Variants in ARHGAP28 observed in about 807,000 individuals in gnomAD.
ARHGAP28 encodes the protein rho GTPase-activating protein 28.
In ARHGAP28, 56 loss-of-function variants were observed where a neutral mutation model predicts 90.7. That is an observed-to-expected ratio of 0.62 (90% CI 0.50 to 0.77). The LOEUF (loss-of-function observed/expected upper bound fraction) is 0.77, where lower values mean the gene tolerates loss of function less well. Ranked by LOEUF, ARHGAP28 falls within the 30% of genes least tolerant of loss-of-function variation. The pLI, the probability that ARHGAP28 is intolerant of heterozygous loss-of-function variation, is 0.00. For synonymous variants in ARHGAP28, 308 were observed against 323.3 expected (o/e 0.95, Z 0.51); for missense variants, 869 against 900.9 (o/e 0.96, Z 0.45).
intron 3 of ARHGAP28, among the ~76,000 whole-genome samples, chr18:6,848,009 C>A (rs2056880053): frequency 6.6e-6 from 1 of 152,024 alleles, no homozygotes; most frequent in Non-Finnish European, 1.5e-5. Flanking sequence ...GCCAAGGAGC[C>A]CCAGGTTTTT....
At chr18:6,835,013 A>G (rs1337250885) in intron 2 of ARHGAP28, among the ~76,000 whole-genome samples, 1 of 152,224 alleles carries the variant, frequency 6.6e-6, no homozygotes, top group African/African-American at 2.4e-5. Flanking sequence ...CTGAAATTCA[A>G]AGGAGTTCTC....
chr18:6,778,754 CT>C (rs1449852229), intron 1 of ARHGAP28, among the ~76,000 whole-genome samples: 1 of 152,142 alleles, frequency 6.6e-6, no homozygotes, highest in Non-Finnish European at 1.5e-5. Flanking sequence ...TGATTTTGCT[CT>C]TTTATTCTCT....
chr18:6,870,802 T>C (rs2057077990), intron 7 of ARHGAP28, 70 bp downstream of exon 7: 3 of 1,496,580 alleles, frequency 2.0e-6, no homozygotes, highest in African/African-American at 2.8e-5. Flanking sequence ...AAGATTTCTT[T>C]TTCTTTTTTT....
intron 1 of ARHGAP28, among the ~76,000 whole-genome samples, chr18:6,753,144 C>T (rs980420359): frequency 3.3e-5 from 5 of 151,854 alleles, no homozygotes; most frequent in Non-Finnish European, 7.4e-5. Context: ...TATTTAGGGA[C>T]CCAGTTTGAA....
intron 2 of ARHGAP28, 52 bp from the exon 3 acceptor site, chr18:6,837,145 T>A: frequency 7.5e-7 from 1 of 1,334,374 alleles, no homozygotes; most frequent in Non-Finnish European, 1.0e-6. Flanking sequence ...TCACATGGCA[T>A]CCAATCATAC....
intron 1 of ARHGAP28, among the ~76,000 whole-genome samples, chr18:6,758,246 G>A (rs1362098279): frequency 6.6e-6 from 1 of 152,058 alleles, no homozygotes. Context: ...GAGGGGCCGG[G>A]GAACTTGTTA....
chr18:6,830,064 CTG>C (rs2056703143), intron 2 of ARHGAP28, among the ~76,000 whole-genome samples: 1 of 152,104 alleles, frequency 6.6e-6, no homozygotes, highest in Admixed American at 6.6e-5. Flanking sequence ...CTATTTTTGT[CTG>C]TGTTTCTTCT....
chr18:6,817,785 A>C (rs541567110), intron 1 of ARHGAP28, among the ~76,000 whole-genome samples: 1 of 152,172 alleles, frequency 6.6e-6, no homozygotes, highest in Non-Finnish European at 1.5e-5. Context: ...CAGGAAAACA[A>C]AGGATTTCAC....
At position 6,850,852 on chromosome 18, in the gene ARHGAP28, G is replaced by C. The variant is rs1443863224; in HGVS notation, c.544-182G>C. The stretch of plus-strand genomic sequence containing the variant: ...TGTTACAGTACATGGCATTTATGAG[G>C]ATCAATGTAATTATGAATGAATTGG... On this transcript the variant is annotated intron_variant, in intron 3 of 17. Coordinates refer to ENST00000383472, the MANE Select transcript of ARHGAP28 (RefSeq NM_001366230.1). 5.2e-6 allele frequency: 8 copies of C among 1,536,530 alleles called. No homozygotes were observed. In the East Asian group the frequency reaches 1.5e-4, roughly 28 times the overall value.
intron 3 of ARHGAP28, among the ~76,000 whole-genome samples, chr18:6,839,298 T>TTTC: frequency 6.7e-6 from 1 of 150,260 alleles, no homozygotes; most frequent in Non-Finnish European, 1.5e-5. Flanking sequence ...CATAATTTTT[T>TTTC]TTTTTTTTTT....
chr18:6,780,658 G>A (rs1049694479), intron 1 of ARHGAP28, among the ~76,000 whole-genome samples: 2 of 152,156 alleles, frequency 1.3e-5, no homozygotes, highest in African/African-American at 4.8e-5. Context: ...GTAGGCCAAG[G>A]TGGGTGGATC....
intron 1 of ARHGAP28, among the ~76,000 whole-genome samples, chr18:6,781,743 T>G (rs1302688776): frequency 6.6e-6 from 1 of 152,206 alleles, no homozygotes; most frequent in Non-Finnish European, 1.5e-5. Context: ...GGCCTCTAAT[T>G]GCTCATAATG....
At chr18:6,755,773 CTA>C (rs1156533101) in intron 1 of ARHGAP28, among the ~76,000 whole-genome samples, 1 of 152,174 alleles carries the variant, frequency 6.6e-6, no homozygotes, top group African/African-American at 2.4e-5. Context: ...ATGTAGTATT[CTA>C]TGTTTTCTAA....
At chr18:6,888,137 C>T (rs1052765017) in intron 12 of ARHGAP28, among the ~76,000 whole-genome samples, 1 of 152,170 alleles carries the variant, frequency 6.6e-6, no homozygotes, top group Non-Finnish European at 1.5e-5. Flanking sequence ...AAAGTGGTTT[C>T]TCCACTGATA....
At chr18:6,784,676 G>A (rs563404057) in intron 1 of ARHGAP28, among the ~76,000 whole-genome samples, 6 of 152,322 alleles carry the variant, frequency 3.9e-5, no homozygotes, top group Non-Finnish European at 5.9e-5. Context: ...TTTCAGCGCA[G>A]TAGGAGGTAC....
intron 1 of ARHGAP28, among the ~76,000 whole-genome samples, chr18:6,805,382 T>C (rs1043743112): frequency 6.6e-6 from 1 of 152,140 alleles, no homozygotes; most frequent in Admixed American, 6.5e-5. Flanking sequence ...TTTGATTTGT[T>C]TTAGCATGGC....
chr18:6,835,263 A>G (rs1285031404), intron 2 of ARHGAP28, among the ~76,000 whole-genome samples: 2 of 152,154 alleles, frequency 1.3e-5, no homozygotes, highest in Non-Finnish European at 2.9e-5. Context: ...TAAAATTTTA[A>G]TATTAACATA....
chr18:6,867,762 A>G (rs2057048655), intron 5 of ARHGAP28, among the ~76,000 whole-genome samples: 1 of 152,250 alleles, frequency 6.6e-6, no homozygotes, highest in Non-Finnish European at 1.5e-5. Flanking sequence ...TAATTAACAA[A>G]TGATATTATA....
Position 6,733,774 on chromosome 18 carries a change from A to G in ARHGAP28, c.122+3831A>G, listed in dbSNP as rs188391358. ...TAATTCTCTCAGAGGAAGTTTTAGC[A>G]AACATATTTCATTCTCACTTATTTT... is the stretch of plus-strand genomic sequence containing the variant. On this transcript the variant is annotated intron_variant, in intron 1 of 17. Coordinates refer to ENST00000383472, the MANE Select transcript of ARHGAP28 (RefSeq NM_001366230.1). 1.3e-4 allele frequency among the ~76,000 whole-genome samples: 20 copies of G among 152,340 alleles called. No homozygotes were observed. The East Asian group carries it at 3.5e-3, about 26-fold the overall frequency.
Sources: allele counts gnomAD v4.1 joint callset (sites outside exome capture counted in the v4.1 genomes callset), GRCh38; gene constraint gnomAD v4.1.1; transcripts MANE v1.5; gene names NCBI Gene and HGNC (gene_info 2026-07-23, HGNC 2026-07-21).